Variants in RAPGEF1 observed in about 807,000 individuals in gnomAD.
RAPGEF1 encodes the protein Rap guanine nucleotide exchange factor 1, also known as CRK SH3-binding GNRP.
Under a neutral mutation model 143.3 loss-of-function variants are expected in RAPGEF1, and 33 were observed. The observed-to-expected ratio is 0.23, with a 90% CI of 0.17 to 0.31. The LOEUF is 0.31. Among genes scored for constraint, RAPGEF1 ranks in the 10% least tolerant of loss-of-function variants. RAPGEF1 has a pLI of 1.00. For synonymous variants in RAPGEF1, 629 were observed against 676.5 expected, an observed-to-expected ratio of 0.93 and a Z score of 1.09; for missense variants, 1,199 against 1,645.4, an observed-to-expected ratio of 0.73 and a Z score of 4.69.
chr9:131,714,574 A>G (rs1199022158), intron 1 of RAPGEF1, among the ~76,000 whole-genome samples: 3 of 152,220 alleles, frequency 2.0e-5, no homozygotes, highest in Non-Finnish European at 4.4e-5. Flanking sequence ...GGAATGTTCC[A>G]AGTGTGAGTT....
At chr9:131,640,749 C>T (rs1967698757) in intron 4 of RAPGEF1, among the ~76,000 whole-genome samples, 1 of 152,128 alleles carries the variant, frequency 6.6e-6, no homozygotes, top group African/African-American at 2.4e-5. Flanking sequence ...TGCAAGGACC[C>T]CCCACTCCCT....
chr9:131,720,191 C>A (rs548676776), intron 1 of RAPGEF1, among the ~76,000 whole-genome samples: 1 of 152,270 alleles, frequency 6.6e-6, no homozygotes, highest in Admixed American at 6.5e-5. Context: ...CAGCCTTGGG[C>A]CTCAGTTTTC....
chr9:131,637,170 A>C (rs1966591423), intron 5 of RAPGEF1, among the ~76,000 whole-genome samples: 2 of 151,668 alleles, frequency 1.3e-5, no homozygotes, highest in South Asian at 4.2e-4. Flanking sequence ...GGTTGCAGTG[A>C]GCCGAGATCG....
intron 5 of RAPGEF1, among the ~76,000 whole-genome samples, chr9:131,637,002 G>A (rs962214209): frequency 6.6e-6 from 1 of 152,048 alleles, no homozygotes; most frequent in Non-Finnish European, 1.5e-5. Flanking sequence ...GAGGCGGGCA[G>A]ATCACCTGAG....
chr9:131,703,039 A>T (rs1477557945), intron 1 of RAPGEF1, among the ~76,000 whole-genome samples: 1 of 152,228 alleles, frequency 6.6e-6, no homozygotes, highest in Non-Finnish European at 1.5e-5. Flanking sequence ...TCATTCATTC[A>T]TTTTAAGACA....
intron 12 of RAPGEF1, 62 bp downstream of exon 12, chr9:131,618,989 C>A (rs533103164): frequency 7.0e-6 from 9 of 1,285,586 alleles, no homozygotes; most frequent in Non-Finnish European, 9.3e-6. Context: ...CTGAGGCACA[C>A]GCTTCCAAGG....
intron 1 of RAPGEF1, among the ~76,000 whole-genome samples, chr9:131,738,952 A>G (rs1463860525): frequency 2.0e-5 from 3 of 152,210 alleles, no homozygotes; most frequent in African/African-American, 7.2e-5. Context: ...ACCACAGGGC[A>G]TGCTCCCAGT....
At chr9:131,726,023 T>C (rs1168364420) in intron 1 of RAPGEF1, among the ~76,000 whole-genome samples, 1 of 152,022 alleles carries the variant, frequency 6.6e-6, no homozygotes, top group African/African-American at 2.4e-5. Context: ...CCTCCCAAAG[T>C]GCTGGGATTA....
chr9:131,704,771 A>C (rs995364158), intron 1 of RAPGEF1, among the ~76,000 whole-genome samples: 10 of 152,158 alleles, frequency 6.6e-5, no homozygotes, highest in African/African-American at 2.4e-4. Flanking sequence ...AAGGAATGAA[A>C]GGAAAGGAAA....
At position 131,650,918 on chromosome 9, in the gene RAPGEF1, G is replaced by A. The variant is rs754267039; in HGVS notation, c.93C>T (p.Thr31=). The change falls in exon 2 of 27, where the codon ACC becomes ACT. Residue 31 remains threonine, a synonymous_variant. Transcript: ENST00000683357. This position sits in a 1 kb window ranked among gnomAD's most constrained non-coding sequence, Gnocchi z 4.7. ...DSQRSHLSSF[T]MKLMDKFHSP... ...AGTGGAATTTGTCCATCAGCTTCAT[G>A]GTGAAGGAAGAGAGATGAGAACGCT... The A allele has an allele frequency of 6.2e-7, 1 of 1,613,878 alleles. No individual in the cohort carries two copies. Among genetic ancestry groups the A allele is most frequent in the South Asian group, 1.1e-5 (1 of 91,078 alleles).
intron 1 of RAPGEF1, among the ~76,000 whole-genome samples, chr9:131,660,735 C>A (rs1025247052): frequency 6.6e-6 from 1 of 152,218 alleles, no homozygotes; most frequent in Non-Finnish European, 1.5e-5. Flanking sequence ...GCACTGCCTG[C>A]CCCAGAGTGG....
At chr9:131,605,314 A>G (rs1956946704) in intron 12 of RAPGEF1, 126 bp from the exon 13 acceptor site, 1 of 903,782 alleles carries the variant, frequency 1.1e-6, no homozygotes, top group South Asian at 1.7e-5. Flanking sequence ...CGGGCCACCA[A>G]TCACGCCAAG....
chr9:131,702,900 GAA>G (rs779704265), intron 1 of RAPGEF1, among the ~76,000 whole-genome samples: 1 of 151,776 alleles, frequency 6.6e-6, no homozygotes, highest in South Asian at 2.1e-4. Context: ...AAAATTAAAA[GAA>G]AAAAAAGCAA....
At chr9:131,586,123 G>A (rs1952683525) in intron 22 of RAPGEF1, among the ~76,000 whole-genome samples, 1 of 152,056 alleles carries the variant, frequency 6.6e-6, no homozygotes, top group Admixed American at 6.6e-5. Context: ...AGCTTGAGGG[G>A]AGCCAGAGCT....
chr9:131,707,225 C>T (rs1453624278), intron 1 of RAPGEF1, among the ~76,000 whole-genome samples: 3 of 152,168 alleles, frequency 2.0e-5, no homozygotes, highest in African/African-American at 4.8e-5. Flanking sequence ...CAGTAAATAC[C>T]GGTGTCTGCT....
rs138024765 is a variant in RAPGEF1 at position 131,595,173 on chromosome 9, C to T, written c.2689+1125G>A. Reference sequence around the variant, plus strand: ...GAGAAGCCCGGGGACTGCCCAGGGGCCCTCTGAGCCTGTCATGGCACAGCT... The same window carrying T: ...GAGAAGCCCGGGGACTGCCCAGGGGTCCTCTGAGCCTGTCATGGCACAGCT... On this transcript the variant is annotated intron_variant, in intron 17 of 26. Transcript: ENST00000683357. Among the ~76,000 whole-genome samples the T allele has an allele frequency of 2.8e-3, 434 of 152,368 alleles. 6 individuals carry two copies. The highest frequency in any genetic ancestry group is 9.3e-3 in the African/African-American group (387 of 41,582).
At position 131,740,007 on chromosome 9, in the gene RAPGEF1, C is replaced by A; in HGVS notation, c.-177G>T. On this transcript the variant is annotated 5_prime_UTR_variant, in exon 1 of 27. Transcript: ENST00000683357. The surrounding 1 kb of genome is among the most constrained non-coding windows in gnomAD (Gnocchi z 4.5). The stretch of plus-strand genomic sequence containing the variant: ...GCCCAGCCGCTCCCGCCGCGCCCGC[C>A]GCCGCCGCTCCGCCTCCCGCGCGCC... 6.1e-6 allele frequency: 1 copy of A among 164,902 alleles called. No homozygotes were observed. The highest frequency in any genetic ancestry group is 1.2e-5 in the Non-Finnish European group (1 of 83,300). The allele number at this position is 164,902 out of a possible 1,614,324, so 10.2% of individuals were successfully genotyped here.
At chr9:131,637,151 G>T (rs1010821727) in intron 5 of RAPGEF1, among the ~76,000 whole-genome samples, 4 of 151,864 alleles carry the variant, frequency 2.6e-5, no homozygotes, top group African/African-American at 9.7e-5. Flanking sequence ...CTTGAACCCA[G>T]GAGGCAGAGG....
intron 3 of RAPGEF1, among the ~76,000 whole-genome samples, chr9:131,646,617 G>A (rs1277749853): frequency 1.3e-5 from 2 of 152,156 alleles, no homozygotes; most frequent in African/African-American, 2.4e-5. Context: ...CGGGACACCC[G>A]ACTTGCTCTG....
Sources: allele counts gnomAD v4.1 joint callset (sites outside exome capture counted in the v4.1 genomes callset), GRCh38; gene constraint gnomAD v4.1.1; non-coding constraint Gnocchi (gnomAD v3.1); transcripts MANE v1.5; gene names NCBI Gene and HGNC (gene_info 2026-07-23, HGNC 2026-07-21).